GRK5: variants seen among roughly 807,000 people sequenced by gnomAD.
GRK5 encodes g protein-coupled receptor kinase GRK5.
GRK5 carries 40 observed loss-of-function variants against 78.4 expected under a neutral mutation model. That is an observed-to-expected ratio of 0.51 (90% CI 0.40 to 0.66). GRK5 has a LOEUF of 0.66. GRK5 is among the 30% of genes least tolerant of loss of function. The pLI is 0.00. For synonymous variants in GRK5, 289 were observed against 296.8 expected, an observed-to-expected ratio of 0.97 and a Z score of 0.27; for missense variants, 598 against 759.9, an observed-to-expected ratio of 0.79 and a Z score of 2.50.
At chr10:119,434,162 A>T (rs2133898392) in intron 8 of GRK5, among the ~76,000 whole-genome samples, 1 of 152,320 alleles carries the variant, frequency 6.6e-6, no homozygotes, top group South Asian at 2.1e-4. Flanking sequence ...ACACATAGGA[A>T]TTATGGGAGT....
intron 4 of GRK5, among the ~76,000 whole-genome samples, chr10:119,420,747 C>CT (rs1164883806): frequency 6.6e-6 from 1 of 152,056 alleles, no homozygotes; most frequent in African/African-American, 2.4e-5. Flanking sequence ...TGGCTAATTT[C>CT]TTTTTTTATT....
chr10:119,208,129 G>A (rs1848421202), intron 1 of GRK5, among the ~76,000 whole-genome samples, 160 bp downstream of exon 1: 2 of 152,284 alleles, frequency 1.3e-5, no homozygotes, highest in African/African-American at 2.4e-5. Context: ...AGACCCTTCA[G>A]GGTTCCTGCC....
At chr10:119,369,516 T>C (rs530676674) in intron 2 of GRK5, among the ~76,000 whole-genome samples, 1 of 152,318 alleles carries the variant, frequency 6.6e-6, no homozygotes, top group Admixed American at 6.5e-5. Context: ...AGTTCTTTGC[T>C]TTCCAGGCTC....
At chr10:119,394,294 C>CCGTGTATCTATGTGTGGGTGTGTG (rs1564916955) in intron 3 of GRK5, among the ~76,000 whole-genome samples, 1 of 4,014 alleles carries the variant, frequency 2.5e-4, no homozygotes, top group African/African-American at 1.2e-3. Flanking sequence ...GGGTGTGTAT[C>CCGTGTATCTATGTGTGGGTGTGTG]TGTGTGTCTG....
In GRK5 at chr10:119,357,903, G is replaced by A. The variant is rs543205285; in HGVS notation, c.149-22912G>A. 9.2e-5 allele frequency among the ~76,000 whole-genome samples: 14 copies of A among 152,276 alleles called. No individual in the cohort carries two copies. In the East Asian group the frequency reaches 2.5e-3, roughly 27 times the overall value. On this transcript the variant is annotated intron_variant, in intron 2 of 15. Transcript: ENST00000392870. The stretch of plus-strand genomic sequence containing the variant: ...GATGCCTTGACCCCACAGGGACTGA[G>A]TTTTGGACAAGGTGCAGCGGCAGCC...
intron 1 of GRK5, among the ~76,000 whole-genome samples, chr10:119,243,566 C>CTTTCTT (rs751972415): frequency 0.02 from 3,020 of 147,940 alleles, 52 homozygotes; most frequent in Admixed American, 0.052. Flanking sequence ...CCCAGTTTTT[C>CTTTCTT]TTTTTTTTTT....
chr10:119,353,893 A>G (rs892990920), intron 2 of GRK5, among the ~76,000 whole-genome samples: 9 of 149,802 alleles, frequency 6.0e-5, no homozygotes, highest in Non-Finnish European at 1.2e-4. Flanking sequence ...GGGAAACAAA[A>G]TGGCAGCCAC....
chr10:119,355,086 A>G (rs1328337946), intron 2 of GRK5, among the ~76,000 whole-genome samples: 2 of 152,226 alleles, frequency 1.3e-5, no homozygotes, highest in African/African-American at 4.8e-5. Flanking sequence ...TAAATGCTAT[A>G]TAAATAGTTG....
intron 1 of GRK5, among the ~76,000 whole-genome samples, chr10:119,244,761 A>C (rs1849078450): frequency 6.6e-6 from 1 of 152,066 alleles, no homozygotes. Context: ...AACCCAAAAA[A>C]CCACAATGAG....
At chr10:119,425,196 T>C in intron 6 of GRK5, 111 bp downstream of exon 6, 1 of 724,588 alleles carries the variant, frequency 1.4e-6, no homozygotes, top group Non-Finnish European at 2.5e-6. Context: ...TAAAACAAAA[T>C]TAACCCGACT....
chr10:119,442,192 C>T (rs1241997406), intron 11 of GRK5, 104 bp downstream of exon 11: 3 of 841,340 alleles, frequency 3.6e-6, no homozygotes, highest in Non-Finnish European at 5.9e-6. Flanking sequence ...CCTCTTCATG[C>T]ACTGCTGATC....
rs1849232977 is a variant in GRK5 at position 119,253,464 on chromosome 10, A to G, written c.52+45495A>G. On this transcript the variant is annotated intron_variant, in intron 1 of 15. Coordinates refer to ENST00000392870, the MANE Select transcript of GRK5 (RefSeq NM_005308.3). The surrounding 1 kb of genome is among the most constrained non-coding windows in gnomAD (Gnocchi z 5.7). ...CCTTTTATATTTAAATCAGAAGCTT[A>G]GGCTCCTCCGTGTAGCTGCTCTATT... Among the ~76,000 whole-genome samples, 1 of 152,136 alleles carries G rather than the reference A, an allele frequency of 6.6e-6. No individual in the cohort carries two copies. The highest frequency in any genetic ancestry group is 1.5e-5 in the Non-Finnish European group (1 of 68,036).
At chr10:119,397,246 A>T (rs1852070322) in intron 4 of GRK5, among the ~76,000 whole-genome samples, 1 of 152,220 alleles carries the variant, frequency 6.6e-6, no homozygotes, top group African/African-American at 2.4e-5. Context: ...AGTATTCTGA[A>T]GGGTCAGGGG....
intron 4 of GRK5, among the ~76,000 whole-genome samples, chr10:119,401,746 C>T (rs992297068): frequency 2.0e-5 from 3 of 152,176 alleles, no homozygotes; most frequent in Admixed American, 6.5e-5. Flanking sequence ...ATGAGGAAAT[C>T]GTTCAGATGT....
chr10:119,341,245 G>T (rs139317713), intron 2 of GRK5, among the ~76,000 whole-genome samples: 21 of 152,276 alleles, frequency 1.4e-4, no homozygotes, highest in South Asian at 6.2e-4. Context: ...CAGCCAGGAG[G>T]CTCTTTCTGA....
At chr10:119,335,234 T>C (rs1332410155) in intron 2 of GRK5, among the ~76,000 whole-genome samples, 1 of 146,928 alleles carries the variant, frequency 6.8e-6, no homozygotes, top group Non-Finnish European at 1.5e-5. Context: ...CTTCTTTATC[T>C]TTCTCTGATA....
intron 2 of GRK5, among the ~76,000 whole-genome samples, chr10:119,356,655 C>G (rs757793722): frequency 6.6e-6 from 1 of 152,158 alleles, no homozygotes; most frequent in African/African-American, 2.4e-5. Context: ...CTCTTCTGCC[C>G]TTTAACCCCA....
At chr10:119,346,468 G>A (rs1851095276) in intron 2 of GRK5, among the ~76,000 whole-genome samples, 2 of 152,208 alleles carry the variant, frequency 1.3e-5, no homozygotes, top group Non-Finnish European at 2.9e-5. Flanking sequence ...GCCCCATGGG[G>A]CCAGGTTTAT....
At chr10:119,218,319 A>G (rs1848608285) in intron 1 of GRK5, among the ~76,000 whole-genome samples, 1 of 152,072 alleles carries the variant, frequency 6.6e-6, no homozygotes, top group African/African-American at 2.4e-5. Context: ...CCAGGAAGGG[A>G]AGGGGAGGGG....
Sources: gnomAD v4.1 joint callset for allele counts (sites outside exome capture counted in the v4.1 genomes callset) on GRCh38, gnomAD v4.1.1 for gene constraint, Gnocchi (gnomAD v3.1) non-coding constraint, MANE v1.5 for transcripts, NCBI Gene and HGNC (gene_info 2026-07-23, HGNC 2026-07-21) for gene names.